The following CDH23 variants were observed in gnomAD, a reference collection of about 807,000 sequenced individuals.
CDH23 encodes the protein cadherin related 23, also known as cadherin-23.
In CDH23, 189 loss-of-function variants were observed where a neutral mutation model predicts 317.1. The observed-to-expected ratio is 0.60, with a 90% CI of 0.53 to 0.67. The LOEUF is 0.67. Among genes scored for constraint, CDH23 ranks in the 30% least tolerant of loss-of-function variants. The pLI is 0.00. For synonymous variants in CDH23, 1,839 were observed against 1,876.8 expected, an observed-to-expected ratio of 0.98 and a Z score of 0.52; for missense variants, 4,401 against 4,592.4, an observed-to-expected ratio of 0.96 and a Z score of 1.20.
chr10:71,480,875 G>A (rs1012758463), intron 3 of CDH23, among the ~76,000 whole-genome samples: 2 of 152,090 alleles, frequency 1.3e-5, no homozygotes, highest in Non-Finnish European at 1.5e-5. Flanking sequence ...TGAGGGAGAT[G>A]GAAGAATCTA....
At chr10:71,423,350 C>G (rs1848901018) in intron 1 of CDH23, among the ~76,000 whole-genome samples, 1 of 152,188 alleles carries the variant, frequency 6.6e-6, no homozygotes, top group Admixed American at 6.5e-5. Context: ...GGATTTGGTG[C>G]CTCTACAGGG....
intron 9 of CDH23, among the ~76,000 whole-genome samples, chr10:71,608,616 G>T (rs1290537641): frequency 1.3e-5 from 2 of 152,156 alleles, no homozygotes; most frequent in African/African-American, 4.8e-5. Context: ...AATATATAAT[G>T]AGCGCTGTTC....
chr10:71,602,675 T>C (rs1007062932), intron 9 of CDH23, among the ~76,000 whole-genome samples: 2 of 152,150 alleles, frequency 1.3e-5, no homozygotes, highest in Non-Finnish European at 2.9e-5. Flanking sequence ...TCTGCCCATC[T>C]TTCCTGCTTA....
intron 35 of CDH23, among the ~76,000 whole-genome samples, chr10:71,739,320 G>A (rs958382975): frequency 2.3e-4 from 35 of 152,116 alleles, no homozygotes; most frequent in African/African-American, 8.0e-4. Flanking sequence ...ATGCCGCAGC[G>A]TGTGCCCACC....
chr10:71,770,365 G>A (rs1194797508), intron 38 of CDH23, among the ~76,000 whole-genome samples: 1 of 152,258 alleles, frequency 6.6e-6, no homozygotes, highest in African/African-American at 2.4e-5. Context: ...TCACAGAGCA[G>A]TAAATGGCCA....
chr10:71,490,391 G>T (rs1266424791), intron 3 of CDH23, among the ~76,000 whole-genome samples: 1 of 152,094 alleles, frequency 6.6e-6, no homozygotes, highest in Admixed American at 6.5e-5. Context: ...GACTTTTGTT[G>T]ATTCTCATTG....
intron 11 of CDH23, among the ~76,000 whole-genome samples, chr10:71,629,719 C>T (rs1034820837): frequency 6.6e-6 from 1 of 152,162 alleles, no homozygotes. Flanking sequence ...CCCTGGGAAA[C>T]ACAAAAGGCC....
Position 71,806,296 on chromosome 10 carries a change from C to T in CDH23, c.8178+15C>T. 1 of 1,527,842 alleles carries T rather than the reference C, an allele frequency of 6.5e-7. No homozygotes were observed. The highest frequency in any genetic ancestry group is 8.9e-7 in the Non-Finnish European group (1 of 1,129,168). 94.6% of individuals were successfully genotyped at this position (1,527,842 alleles called of 1,614,324 possible). A position where few individuals can be genotyped will look rare whatever the true frequency, so the allele number is the denominator to read the frequency against. On this transcript the variant is annotated intron_variant, in intron 57 of 69. Coordinates refer to ENST00000224721, the MANE Select transcript of CDH23 (RefSeq NM_022124.6). Reference sequence around the variant, plus strand: ...TGAGGCCTCCAGTGAGCTTGCCCACCTCCTGCGCTGGTCACACCCACACAG... The same window carrying T: ...TGAGGCCTCCAGTGAGCTTGCCCACTTCCTGCGCTGGTCACACCCACACAG...
chr10:71,526,633 A>T (rs1317972715), intron 6 of CDH23, among the ~76,000 whole-genome samples: 1 of 152,224 alleles, frequency 6.6e-6, no homozygotes, highest in Non-Finnish European at 1.5e-5. Flanking sequence ...ATGATAAAAA[A>T]TGGGGTCTGT....
intron 7 of CDH23, among the ~76,000 whole-genome samples, chr10:71,569,944 C>T (rs964071067): frequency 2.0e-5 from 3 of 152,000 alleles, no homozygotes; most frequent in Admixed American, 6.6e-5. Context: ...GGCTGGAGTG[C>T]AGTGGCTATT....
chr10:71,696,373 T>G (rs1453428592), intron 22 of CDH23, among the ~76,000 whole-genome samples: 2 of 152,214 alleles, frequency 1.3e-5, no homozygotes, highest in African/African-American at 4.8e-5. Flanking sequence ...CCTGAGGGCT[T>G]CTCAGGAACT....
intron 6 of CDH23, among the ~76,000 whole-genome samples, chr10:71,539,549 C>T (rs1855880783): frequency 1.3e-5 from 2 of 151,790 alleles, no homozygotes; most frequent in Non-Finnish European, 1.5e-5. Context: ...AGAGATATAA[C>T]AGCTCCTTTT....
At chr10:71,538,743 T>C (rs934505490) in intron 6 of CDH23, among the ~76,000 whole-genome samples, 1 of 152,208 alleles carries the variant, frequency 6.6e-6, no homozygotes, top group African/African-American at 2.4e-5. Flanking sequence ...TTTTCTTTTC[T>C]GTGAATGAGT....
In CDH23 at chr10:71,784,380, T is replaced by C; in HGVS notation, c.5462T>C (p.Ile1821Thr). Reference sequence around the variant, plus strand: ...ACCATCGCCTTCTACAACCTGACCATCTGTGCCCGTGACCGGGGGATGCCC... The same window carrying C: ...ACCATCGCCTTCTACAACCTGACCACCTGTGCCCGTGACCGGGGGATGCCC... ...RETIAFYNLT[I>T]CARDRGMPPL... The change falls in exon 42 of 70, where the codon ATC becomes ACC. Residue 1821 changes from isoleucine to threonine, a missense_variant. By Grantham distance (89) the Ile-to-Thr change is moderately conservative (BLOSUM62 -1). This residue lies in a region of CDH23 where 3,068 missense variants were observed against 3,203.3 expected (regional missense o/e 0.96). Coordinates refer to ENST00000224721, the MANE Select transcript of CDH23 (RefSeq NM_022124.6). 6.2e-7 allele frequency: 1 copy of C among 1,613,882 alleles called. No homozygotes were observed. Among genetic ancestry groups the C allele is most frequent in the Non-Finnish European group, 8.5e-7 (1 of 1,179,800 alleles).
At chr10:71,662,574 T>C (rs573124570) in intron 14 of CDH23, among the ~76,000 whole-genome samples, 13 of 152,114 alleles carry the variant, frequency 8.5e-5, no homozygotes, top group Non-Finnish European at 1.5e-4. Flanking sequence ...GACTGGACTG[T>C]CTTTGCCCCC....
intron 3 of CDH23, among the ~76,000 whole-genome samples, chr10:71,482,121 A>G (rs932580500): frequency 1.3e-5 from 2 of 152,110 alleles, no homozygotes; most frequent in African/African-American, 2.4e-5. Context: ...CCCCATGACC[A>G]TAGCGGGCTT....
intron 44 of CDH23, among the ~76,000 whole-genome samples, 160 bp downstream of exon 44, chr10:71,785,898 G>A (rs1365851388): frequency 6.6e-6 from 1 of 152,200 alleles, no homozygotes; most frequent in Non-Finnish European, 1.5e-5. Context: ...TTCAGTAGGT[G>A]CGTGGCTTTG....
At chr10:71,534,095 C>T (rs1289587697) in intron 6 of CDH23, among the ~76,000 whole-genome samples, 3 of 152,158 alleles carry the variant, frequency 2.0e-5, no homozygotes, top group African/African-American at 7.2e-5. Context: ...ACTGCTGCAT[C>T]CCTTTGCGCC....
chr10:71,424,023 G>A (rs1235230902), intron 1 of CDH23, among the ~76,000 whole-genome samples: 2 of 152,276 alleles, frequency 1.3e-5, no homozygotes, highest in African/African-American at 2.4e-5. Flanking sequence ...GAAGAGGTGG[G>A]GACTGGGAAG....
Sources: allele counts gnomAD v4.1 joint callset (sites outside exome capture counted in the v4.1 genomes callset), GRCh38; gene constraint gnomAD v4.1.1; regional missense constraint gnomAD v4.1.1; transcripts MANE v1.5; gene names NCBI Gene and HGNC (gene_info 2026-07-23, HGNC 2026-07-21).